SEMA3A: variants seen among roughly 807,000 people sequenced by gnomAD.
SEMA3A encodes semaphorin 3A.
A neutral mutation model predicts 97.9 loss-of-function variants in SEMA3A; 29 were observed. The observed-to-expected ratio is 0.30, with a 90% CI of 0.22 to 0.40. The LOEUF (loss-of-function observed/expected upper bound fraction) is 0.40. SEMA3A is among the 10% of genes least tolerant of loss of function. The pLI is 1.00. For missense variants in SEMA3A, 763 were observed against 951.3 expected, an observed-to-expected ratio of 0.80 and a Z score of 2.60; for synonymous variants, 321 against 323.7, an observed-to-expected ratio of 0.99 and a Z score of 0.09.
At chr7:84,273,105 A>G (rs1800194353) in intron 3 of SEMA3A, among the ~76,000 whole-genome samples, 1 of 152,116 alleles carries the variant, frequency 6.6e-6, no homozygotes, top group South Asian at 2.1e-4. Context: ...TGATACATTA[A>G]TGTAAGCATG....
intron 1 of SEMA3A, among the ~76,000 whole-genome samples, chr7:84,408,788 G>T (rs1318334178): frequency 2.6e-5 from 4 of 151,368 alleles, no homozygotes; most frequent in Admixed American, 2.6e-4. Context: ...GCAAACTATC[G>T]CAAGGACAAA....
chr7:84,461,286 A>G (rs1478897117), intron 1 of SEMA3A, among the ~76,000 whole-genome samples: 1 of 152,118 alleles, frequency 6.6e-6, no homozygotes, highest in Non-Finnish European at 1.5e-5. Flanking sequence ...CAGAGTGAAA[A>G]TTCAGTGATA....
chr7:84,469,890 G>T (rs1806104424), intron 1 of SEMA3A, among the ~76,000 whole-genome samples: 1 of 151,586 alleles, frequency 6.6e-6, no homozygotes, highest in South Asian at 2.1e-4. Context: ...GTTGATAGTT[G>T]GTTCTATTCA....
chr7:84,249,904 C>G (rs1177135703), intron 3 of SEMA3A, among the ~76,000 whole-genome samples: 1 of 148,544 alleles, frequency 6.7e-6, no homozygotes, highest in African/African-American at 2.5e-5. Context: ...GCATAATGCT[C>G]TAAGGAAGGG....
intron 12 of SEMA3A, among the ~76,000 whole-genome samples, chr7:83,989,417 C>A (rs993285573): frequency 4.7e-5 from 7 of 149,930 alleles, no homozygotes; most frequent in African/African-American, 1.2e-4. Flanking sequence ...ACTGCACCCA[C>A]TAACTCGTCA....
chr7:84,241,293 C>T (rs1799357823), intron 3 of SEMA3A, among the ~76,000 whole-genome samples: 1 of 152,182 alleles, frequency 6.6e-6, no homozygotes, highest in African/African-American at 2.4e-5. Flanking sequence ...TTAATAATCA[C>T]CATTCTAACG....
intron 1 of SEMA3A, among the ~76,000 whole-genome samples, chr7:84,393,895 C>A (rs1002447199): frequency 2.0e-5 from 3 of 152,082 alleles, no homozygotes; most frequent in African/African-American, 7.2e-5. Flanking sequence ...TGCCCCAAGA[C>A]AATTTACAGA....
intron 3 of SEMA3A, among the ~76,000 whole-genome samples, chr7:84,118,256 A>G (rs181382399): frequency 1.8e-3 from 277 of 152,332 alleles, no homozygotes; most frequent in Admixed American, 3.9e-3. Context: ...CTTATAAATT[A>G]TAATCACTCT....
intron 3 of SEMA3A, among the ~76,000 whole-genome samples, chr7:84,271,967 CTGTT>C (rs1800162813): frequency 6.6e-6 from 1 of 152,014 alleles, no homozygotes; most frequent in South Asian, 2.1e-4. Context: ...AGCACTGAGT[CTGTT>C]TACTTGCCAC....
chr7:84,464,999 G>C (rs2116396580), intron 1 of SEMA3A, among the ~76,000 whole-genome samples: 1 of 152,222 alleles, frequency 6.6e-6, no homozygotes, highest in African/African-American at 2.4e-5. Flanking sequence ...TAAAGACCCA[G>C]AGAGTGTCAC....
At chr7:84,015,950 T>A (rs1027442008) in intron 6 of SEMA3A, among the ~76,000 whole-genome samples, 2 of 152,192 alleles carry the variant, frequency 1.3e-5, no homozygotes, top group Admixed American at 1.3e-4. Context: ...TAAAGTAGAA[T>A]TGCTTAGCAC....
chr7:84,081,538 A>G (rs1014859614), intron 4 of SEMA3A, among the ~76,000 whole-genome samples: 6 of 148,814 alleles, frequency 4.0e-5, no homozygotes, highest in African/African-American at 1.2e-4. Flanking sequence ...GCTTGCAGTG[A>G]GCCAAGATCA....
At chr7:84,129,360 T>C (rs896460982) in intron 2 of SEMA3A, among the ~76,000 whole-genome samples, 175 bp from the exon 3 acceptor site, 1 of 152,198 alleles carries the variant, frequency 6.6e-6, no homozygotes, top group Admixed American at 6.5e-5. Flanking sequence ...GGTGTGAACA[T>C]AAGTCATTGA....
At chr7:84,297,193 T>C (rs1402866084) in intron 3 of SEMA3A, among the ~76,000 whole-genome samples, 1 of 152,130 alleles carries the variant, frequency 6.6e-6, no homozygotes, top group Non-Finnish European at 1.5e-5. Flanking sequence ...GTCAGGCTGG[T>C]CTCAAACTTC....
At chr7:84,111,521 A>C (rs1795275544) in intron 3 of SEMA3A, among the ~76,000 whole-genome samples, 1 of 152,218 alleles carries the variant, frequency 6.6e-6, no homozygotes, top group South Asian at 2.1e-4. Flanking sequence ...AACCAAATTT[A>C]AGCAGATTAA....
At chr7:84,354,574 T>C (rs956155380) in intron 2 of SEMA3A, among the ~76,000 whole-genome samples, 8 of 151,722 alleles carry the variant, frequency 5.3e-5, no homozygotes, top group African/African-American at 1.7e-4. Flanking sequence ...CTCTACTTTA[T>C]GTTAAGTCAT....
intron 4 of SEMA3A, among the ~76,000 whole-genome samples, chr7:84,073,143 A>G (rs1396495072): frequency 6.6e-6 from 1 of 152,198 alleles, no homozygotes; most frequent in Non-Finnish European, 1.5e-5. Flanking sequence ...CTAAAATACT[A>G]GAAACTGGAA....
intron 4 of SEMA3A, among the ~76,000 whole-genome samples, chr7:84,099,094 G>A (rs1371153355): frequency 4.4e-5 from 2 of 45,664 alleles, no homozygotes; most frequent in Non-Finnish European, 6.7e-5. Flanking sequence ...TTTTTGAGAC[G>A]GAGTCTCGCT....
chr7:84,170,071 C>T (rs998413640), intron 1 of SEMA3A, among the ~76,000 whole-genome samples: 1 of 151,882 alleles, frequency 6.6e-6, no homozygotes, highest in Admixed American at 6.6e-5. Flanking sequence ...ACCAAGCACA[C>T]TGCAATTTCA....
Sources: gnomAD v4.1 joint callset for allele counts (sites outside exome capture counted in the v4.1 genomes callset) on GRCh38, gnomAD v4.1.1 for gene constraint, MANE v1.5 for transcripts, NCBI Gene and HGNC (gene_info 2026-07-23, HGNC 2026-07-21) for gene names.